GABBR2: variants seen among roughly 807,000 people sequenced by gnomAD.
The protein encoded by GABBR2 is G-protein coupled receptor 51.
A neutral mutation model predicts 105.6 loss-of-function variants in GABBR2; 23 were observed. That is an observed-to-expected ratio of 0.22 (90% CI 0.16 to 0.31). GABBR2 has a LOEUF of 0.31. Among genes scored for constraint, GABBR2 ranks in the 10% least tolerant of loss-of-function variants. The pLI is 1.00. For synonymous variants in GABBR2, 478 were observed against 499.7 expected (o/e 0.96, Z 0.58); for missense variants, 734 against 1,245.5 (o/e 0.59, Z 6.18).
intron 7 of GABBR2, among the ~76,000 whole-genome samples, chr9:98,448,589 GTATT>G (rs1372446756): frequency 3.3e-5 from 5 of 151,968 alleles, no homozygotes; most frequent in African/African-American, 1.2e-4. Context: ...GCTAAATTTT[GTATT>G]TTTTTGTAGA....
intron 2 of GABBR2, among the ~76,000 whole-genome samples, chr9:98,571,984 G>C (rs1422059383): frequency 2.0e-5 from 3 of 152,232 alleles, no homozygotes; most frequent in African/African-American, 7.2e-5. Flanking sequence ...TCTCCAGGCT[G>C]AACACCCTCA....
chr9:98,592,968 T>G (rs934310235), intron 1 of GABBR2, among the ~76,000 whole-genome samples: 4 of 152,036 alleles, frequency 2.6e-5, no homozygotes, highest in African/African-American at 4.8e-5. Flanking sequence ...TTTTACCACT[T>G]TATTTTAGTT....
At chr9:98,654,713 G>A (rs773293254) in intron 1 of GABBR2, among the ~76,000 whole-genome samples, 4 of 152,176 alleles carry the variant, frequency 2.6e-5, no homozygotes, top group Non-Finnish European at 5.9e-5. Flanking sequence ...TACATCATGT[G>A]TATGAAGACA....
intron 7 of GABBR2, among the ~76,000 whole-genome samples, chr9:98,442,307 CT>C (rs1826046175): frequency 6.6e-6 from 1 of 152,198 alleles, no homozygotes; most frequent in Non-Finnish European, 1.5e-5. Flanking sequence ...AGAGCTCCCC[CT>C]GGAAACTGGG....
At chr9:98,480,524 A>G (rs1826893821) in intron 5 of GABBR2, among the ~76,000 whole-genome samples, 1 of 152,220 alleles carries the variant, frequency 6.6e-6, no homozygotes, top group Non-Finnish European at 1.5e-5. Context: ...ATCTGTCACT[A>G]GACAGCTGTA....
chr9:98,410,349 T>A (rs1360210536), intron 7 of GABBR2, among the ~76,000 whole-genome samples: 1 of 151,894 alleles, frequency 6.6e-6, no homozygotes, highest in Non-Finnish European at 1.5e-5. Context: ...GTCTGGTGGC[T>A]CACAGTTCAC....
At chr9:98,491,376 A>T (rs1827173005) in intron 4 of GABBR2, among the ~76,000 whole-genome samples, 1 of 152,214 alleles carries the variant, frequency 6.6e-6, no homozygotes, top group South Asian at 2.1e-4. Flanking sequence ...TTTGAAACAC[A>T]ATCTGAAAGT....
intron 1 of GABBR2, among the ~76,000 whole-genome samples, chr9:98,582,352 A>G (rs191647376): frequency 2.6e-5 from 4 of 152,342 alleles, no homozygotes; most frequent in Non-Finnish European, 4.4e-5. Flanking sequence ...CTGTTCTACA[A>G]TTGCAAGAAA....
At chr9:98,589,826 C>T (rs1829122738) in intron 1 of GABBR2, among the ~76,000 whole-genome samples, 1 of 151,776 alleles carries the variant, frequency 6.6e-6, no homozygotes, top group African/African-American at 2.4e-5. Context: ...GTGATCCTCC[C>T]ACCTCAGCCT....
chr9:98,446,182 T>A (rs1419373234), intron 7 of GABBR2, among the ~76,000 whole-genome samples: 1 of 152,218 alleles, frequency 6.6e-6, no homozygotes, highest in Non-Finnish European at 1.5e-5. Context: ...GAATGGTATC[T>A]CATAGGTATG....
chr9:98,684,140 G>A (rs1467758206), intron 1 of GABBR2, among the ~76,000 whole-genome samples: 2 of 71,620 alleles, frequency 2.8e-5, no homozygotes, highest in East Asian at 4.5e-4. Context: ...TACAGTAAAA[G>A]GAAAAAAGAA....
At chr9:98,296,157 C>T (rs1418129510) in intron 17 of GABBR2, among the ~76,000 whole-genome samples, 4 of 152,122 alleles carry the variant, frequency 2.6e-5, no homozygotes, top group East Asian at 3.9e-4. Context: ...AGGCGGAGCC[C>T]GCATGGATGA....
intron 2 of GABBR2, among the ~76,000 whole-genome samples, chr9:98,565,956 G>C (rs1046893415): frequency 6.6e-6 from 1 of 152,210 alleles, no homozygotes; most frequent in African/African-American, 2.4e-5. Flanking sequence ...ACATGCACCC[G>C]TGTGTCTGTC....
chr9:98,571,590 C>T (rs1160945726), intron 2 of GABBR2, among the ~76,000 whole-genome samples: 2 of 152,172 alleles, frequency 1.3e-5, no homozygotes, highest in African/African-American at 4.8e-5. Context: ...TAACCTAGAC[C>T]TGCTCAGAGT....
chr9:98,445,942 G>A (rs772111138), intron 7 of GABBR2, among the ~76,000 whole-genome samples: 1 of 152,338 alleles, frequency 6.6e-6, no homozygotes, highest in East Asian at 1.9e-4. Flanking sequence ...CTGGAGCACT[G>A]AGCTAGTCAA....
intron 3 of GABBR2, among the ~76,000 whole-genome samples, chr9:98,511,548 G>A (rs1437418397): frequency 6.6e-6 from 1 of 150,538 alleles, no homozygotes; most frequent in Non-Finnish European, 1.5e-5. Flanking sequence ...GAATCAAATA[G>A]ACACAATAAA....
chr9:98,301,091 T>G (rs1436678462), intron 16 of GABBR2, among the ~76,000 whole-genome samples: 2 of 152,192 alleles, frequency 1.3e-5, no homozygotes, highest in Non-Finnish European at 2.9e-5. Context: ...GGTAATAAGC[T>G]GGTAAATGTG....
intron 13 of GABBR2, among the ~76,000 whole-genome samples, chr9:98,330,107 C>T (rs893025949): frequency 5.9e-5 from 9 of 152,126 alleles, no homozygotes; most frequent in Admixed American, 5.2e-4. Context: ...GGTTAAAGTC[C>T]AAGCTCCCTC....
intron 13 of GABBR2, among the ~76,000 whole-genome samples, chr9:98,332,449 C>T (rs1831044563): frequency 6.6e-6 from 1 of 152,132 alleles, no homozygotes; most frequent in South Asian, 2.1e-4. Context: ...ATGACGCTCA[C>T]AGTAAACCTG....
Sources: gnomAD v4.1 joint callset for allele counts (sites outside exome capture counted in the v4.1 genomes callset) on GRCh38, gnomAD v4.1.1 for gene constraint, MANE v1.5 for transcripts, NCBI Gene and HGNC (gene_info 2026-07-23, HGNC 2026-07-21) for gene names.